Variants in NOD2 observed in about 807,000 individuals in gnomAD.
NOD2 encodes the protein nucleotide binding oligomerization domain containing 2.
A neutral mutation model predicts 90.9 loss-of-function variants in NOD2; 86 were observed. That is an observed-to-expected ratio of 0.95 (90% CI 0.79 to 1.13). NOD2 has a LOEUF of 1.13. NOD2 is among the 50% of genes most tolerant of loss of function. The pLI is 0.00. For missense variants in NOD2, 1,238 were observed against 1,283.8 expected (o/e 0.96, Z 0.55); for synonymous variants, 581 against 554.6 (o/e 1.05, Z -0.67).
At chr16:50,719,514 C>G (rs114948922) in intron 6 of NOD2, among the ~76,000 whole-genome samples, 2,380 of 152,222 alleles carry the variant, frequency 0.016, 60 homozygotes, top group African/African-American at 0.054. Flanking sequence ...CGCTCTTGTG[C>G]AACAGGTAAA....
intron 2 of NOD2, among the ~76,000 whole-genome samples, chr16:50,705,136 G>A (rs1396749088): frequency 1.3e-5 from 2 of 152,080 alleles, no homozygotes; most frequent in African/African-American, 2.4e-5. Context: ...GATAGTCACA[G>A]CTCTATCTTT....
At chr16:50,723,251 C>T in intron 8 of NOD2, 50 bp from the exon 9 acceptor site, 3 of 1,560,586 alleles carry the variant, frequency 1.9e-6, no homozygotes, top group Non-Finnish European at 2.6e-6. Flanking sequence ...TAGCTCATCT[C>T]TGAGGTCTTT....
intron 4 of NOD2, chr16:50,713,398 C>T (rs1279837272): frequency 6.6e-6 from 1 of 152,132 alleles, no homozygotes; most frequent in Non-Finnish European, 1.5e-5. Flanking sequence ...GGACCAAACA[C>T]ATGGATACCC....
chr16:50,711,624 G>A lies in NOD2; in HGVS notation c.1632G>A (p.Gln544=), dbSNP rs1271677943. 1 of 1,612,268 alleles carries A rather than the reference G, an allele frequency of 6.2e-7. No individual in the cohort carries two copies. Among genetic ancestry groups the A allele is most frequent in the Non-Finnish European group, 8.5e-7 (1 of 1,180,000 alleles). ...CCYVFSAQQL[Q]AAQVSPDDIS... ...ACGTGTTCTCAGCCCAGCAGCTCCA[G>A]GCAGCACAGGTCAGCCCTGATGACA... The change falls in exon 4 of 12, where the codon CAG becomes CAA. Residue 544 remains glutamine (Q), a synonymous_variant. Transcript: ENST00000647318.
rs769622495 is a variant in NOD2 at position 50,711,080 on chromosome 16, A to G, written c.1088A>G (p.Asp363Gly). ...GACGAGTTCAAGTTCAGGTTCACGG[A>G]TCGTGAACGCCACTGCTCCCCGACC... The part of the protein sequence containing the change: ...GFDEFKFRFT[D>G]RERHCSPTDP... The change falls in exon 4 of 12, where the codon GAT becomes GGT. Residue 363 changes from aspartate (D) to glycine (G), a missense_variant. Asp to Gly is a moderately conservative substitution (Grantham distance 94). This residue lies in a region of NOD2 where 567 missense variants were observed against 577.3 expected (regional missense o/e 0.98). Transcript: ENST00000647318. 1 of 1,614,110 alleles carries G rather than the reference A, an allele frequency of 6.2e-7. No individual in the cohort carries two copies.
At chr16:50,712,793 C>T (rs1596873532) in intron 4 of NOD2, 1 of 241,684 alleles carries the variant, frequency 4.1e-6, no homozygotes, top group African/African-American at 2.2e-5. Context: ...ACTTCAGAGG[C>T]TCCCTGAAAA....
intron 1 of NOD2, among the ~76,000 whole-genome samples, chr16:50,698,265 G>T (rs1422877892): frequency 1.3e-5 from 2 of 152,230 alleles, no homozygotes; most frequent in African/African-American, 4.8e-5. Context: ...AGGGCTTGAA[G>T]CTCCTGGAGG....
chr16:50,694,030 T>C (rs1247532817), intron 1 of NOD2, among the ~76,000 whole-genome samples: 1 of 152,054 alleles, frequency 6.6e-6, no homozygotes, highest in East Asian at 1.9e-4. Context: ...TTCTCCCTTG[T>C]TGGGTGTGAG....
At chr16:50,729,626 G>C (rs955003837) in intron 10 of NOD2, among the ~76,000 whole-genome samples, 192 bp from the exon 11 acceptor site, 5 of 152,210 alleles carry the variant, frequency 3.3e-5, no homozygotes, top group African/African-American at 1.2e-4. Context: ...ATGGAAGAGA[G>C]ACGGTTACAT....
chr16:50,711,835 A>G lies in NOD2; in HGVS notation c.1843A>G (p.Arg615Gly), dbSNP rs1964529815. The G allele has an allele frequency of 6.2e-7, 1 of 1,613,776 alleles. No individual in the cohort carries two copies. ...CAGGCCAGGCAACTCACCAATGGCC[A>G]GGCTCCTGCCCACGATGTGCATCCA... is the stretch of plus-strand genomic sequence containing the variant. ...CGRPGNSPMARLLPTMCIQAS... is the reference protein window; with the variant it reads ...CGRPGNSPMAGLLPTMCIQAS... The change falls in exon 4 of 12, where the codon AGG (arginine) becomes GGG (glycine). Residue 615 changes from arginine (R) to glycine (G), a missense_variant. Transcript: ENST00000647318.
intron 5 of NOD2, 108 bp from the exon 6 acceptor site, chr16:50,716,783 G>A (rs1241319742): frequency 1.3e-5 from 19 of 1,444,336 alleles, no homozygotes; most frequent in Non-Finnish European, 1.9e-5. Context: ...TTTGCATGAT[G>A]GGGGGTGCAG....
chr16:50,722,554 TA>T, intron 7 of NOD2, 67 bp from the exon 8 acceptor site: 1 of 1,428,254 alleles, frequency 7.0e-7, no homozygotes, highest in South Asian at 1.1e-5. Context: ...GGAGGACTGT[TA>T]GTTCATGTCT....
Position 50,711,489 on chromosome 16 carries a change from C to A in NOD2, c.1497C>A (p.Thr499=). 1.2e-6 allele frequency: 2 copies of A among 1,613,258 alleles called. No individual in the cohort carries two copies. Among genetic ancestry groups the A allele is most frequent in the Middle Eastern group, 1.7e-4 (1 of 6,060 alleles). ...TGCAGCATTTTCTGCTGCATGCCAC[C>A]CCCCCAGACTCAGCTTCCCAAGGTC... ...LILQHFLLHA[T]PPDSASQGLG... Residue 499 remains threonine (T), a synonymous_variant, in exon 4 of 12, where the codon ACC becomes ACA. Transcript: ENST00000647318.
At chr16:50,705,397 G>A (rs191188883) in intron 2 of NOD2, among the ~76,000 whole-genome samples, 6 of 152,028 alleles carry the variant, frequency 3.9e-5, no homozygotes, top group Admixed American at 3.9e-4. Context: ...GCTTTCTCTG[G>A]GCTCATGATA....
In NOD2 at chr16:50,711,762, C is replaced by T; in HGVS notation, c.1770C>T (p.Leu590=). The T allele has an allele frequency of 6.2e-7, 1 of 1,614,224 alleles. No individual in the cohort carries two copies. The highest frequency in any genetic ancestry group is 1.1e-5 in the South Asian group (1 of 91,082). ...TCTTTGCCGCGTTCTACCTGGCACT[C>T]AGTGCTGATGTGCCACCAGCTTTGC... is the stretch of plus-strand genomic sequence containing the variant. ...QCFFAAFYLA[L]SADVPPALLR... Residue 590 remains leucine, a synonymous_variant, in exon 4 of 12, where the codon CTC becomes CTT. Coordinates refer to ENST00000647318, the MANE Select transcript of NOD2 (RefSeq NM_001370466.1).
In NOD2 at chr16:50,699,649, C is replaced by T. The variant is rs779970018; in HGVS notation, c.154C>T (p.Gln52Ter). 4 of 1,614,042 alleles carry T rather than the reference C, an allele frequency of 2.5e-6. No homozygotes were observed. In the African/African-American group the frequency reaches 5.3e-5, roughly 22 times the overall value. ...CTACGAGGGCTTCCACCTCCTGGGC[C>T]AGCCTCTCTCCCACTTGGCCAGGCG... Reference protein sequence around the residue: ...EDYEGFHLLGQPLSHLARRLL... With the variant: ...EDYEGFHLLG The change falls in exon 2 of 12, where the codon CAG (glutamine) becomes TAG (stop). Residue 52 changes from glutamine to a stop codon, truncating the protein, a stop_gained. Transcript: ENST00000647318. LOFTEE classifies it high-confidence loss of function.
rs1448538591 is a variant in NOD2, at chr16:50,723,213, A to G, written c.2718-88A>G. The stretch of plus-strand genomic sequence containing the variant: ...TGTCTGAAATGGAGCAGACCAGGAG[A>G]GCACCACGAATTTTGCCCTCCATAG... On this transcript the variant is annotated intron_variant, in intron 8 of 11. Transcript: ENST00000647318. The G allele has an allele frequency of 6.1e-6, 6 of 979,694 alleles. No homozygotes were observed. In the African/African-American group the frequency reaches 9.6e-5, roughly 16 times the overall value. 60.7% of individuals were successfully genotyped at this position (979,694 alleles called of 1,614,324 possible).
Position 50,711,814 on chromosome 16 carries a change from C to T in NOD2, c.1822C>T (p.Pro608Ser), listed in dbSNP as rs1004387511. The T allele has an allele frequency of 2.5e-6, 4 of 1,613,718 alleles. No homozygotes were observed. The African/African-American group carries it at 5.3e-5, about 22-fold the overall frequency. The change falls in exon 4 of 12, where the codon CCA becomes TCA. Residue 608 changes from proline (P) to serine (S), a missense_variant. By Grantham distance (74) the Pro-to-Ser change is moderately conservative. Transcript: ENST00000647318. ...CAGACACCTCTTCAATTGTGGCAGG[C>T]CAGGCAACTCACCAATGGCCAGGCT... ...LLRHLFNCGR[P>S]GNSPMARLLP...
In NOD2 at chr16:50,711,192, G is replaced by T. The variant is rs104895430; in HGVS notation, c.1200G>T (p.Pro400=). The change falls in exon 4 of 12, where the codon CCG becomes CCT. Residue 400 remains proline (P), a synonymous_variant. Transcript: ENST00000647318. ...CCCGCAAGGTGGTGACCAGCCGTCC[G>T]GCCGCTGTGTCGGCGTTCCTCAGGA... ...KNARKVVTSR[P]AAVSAFLRKY... is the part of the protein sequence containing the mutation. 6.2e-7 allele frequency: 1 copy of T among 1,613,942 alleles called. No homozygotes were observed. The highest frequency in any genetic ancestry group is 1.3e-5 in the African/African-American group (1 of 74,932).
Sources: allele counts gnomAD v4.1 joint callset (sites outside exome capture counted in the v4.1 genomes callset), GRCh38; gene constraint gnomAD v4.1.1; regional missense constraint gnomAD v4.1.1; transcripts MANE v1.5; gene names NCBI Gene and HGNC (gene_info 2026-07-23, HGNC 2026-07-21).